The following GMPR variants were observed in gnomAD, a reference collection of about 807,000 sequenced individuals.
GMPR encodes GMP reductase 1.
A neutral mutation model predicts 38.4 loss-of-function variants in GMPR; 31 were observed. The ratio of observed to expected loss-of-function variants is 0.81; its 90% CI spans 0.61 to 1.09. GMPR has a LOEUF of 1.09. GMPR is among the 50% of genes least tolerant of loss of function. GMPR has a pLI of 0.00. For synonymous variants in GMPR, 162 were observed against 173.3 expected (o/e 0.93, Z 0.51); for missense variants, 468 against 453.7 (o/e 1.03, Z -0.29).
At chr6:16,252,784 G>A (rs988225320) in intron 3 of GMPR, among the ~76,000 whole-genome samples, 1 of 152,196 alleles carries the variant, frequency 6.6e-6, no homozygotes, top group African/African-American at 2.4e-5. Flanking sequence ...AGGGAGAGTG[G>A]GCTTGTGTGG....
intron 2 of GMPR, 111 bp from the exon 3 acceptor site, chr6:16,250,173 G>A (rs2113671775): frequency 1.4e-6 from 1 of 724,626 alleles, no homozygotes; most frequent in East Asian, 2.5e-5. Context: ...ATTAAGCATG[G>A]ATGGCAGGAA....
At chr6:16,285,889 T>C in intron 7 of GMPR, 54 bp downstream of exon 7, 2 of 1,434,372 alleles carry the variant, frequency 1.4e-6, no homozygotes, top group Non-Finnish European at 1.9e-6. Context: ...GGGAGCTCCC[T>C]ACACCTCTCC....
intron 3 of GMPR, among the ~76,000 whole-genome samples, chr6:16,254,085 C>T (rs1405307227): frequency 6.6e-6 from 1 of 152,186 alleles, no homozygotes; most frequent in Non-Finnish European, 1.5e-5. Context: ...CACCTGCCAC[C>T]ACGCCTGGCT....
chr6:16,248,428 TG>T (rs1758802844), intron 2 of GMPR, among the ~76,000 whole-genome samples: 1 of 151,268 alleles, frequency 6.6e-6, no homozygotes, highest in African/African-American at 2.4e-5. Context: ...GAATGTCTGC[TG>T]CACTCAGGGG....
chr6:16,292,924 T>C (rs1334794415), intron 8 of GMPR, among the ~76,000 whole-genome samples: 5 of 152,208 alleles, frequency 3.3e-5, no homozygotes, highest in Non-Finnish European at 5.9e-5. Flanking sequence ...TTCAAATCTT[T>C]AACAGGGAAG....
intron 4 of GMPR, among the ~76,000 whole-genome samples, chr6:16,268,184 A>T (rs1381165547): frequency 6.6e-6 from 1 of 152,196 alleles, no homozygotes; most frequent in Non-Finnish European, 1.5e-5. Flanking sequence ...TACAAAGGTG[A>T]TGTTCTCTCT....
chr6:16,270,633 G>C (rs990018876), intron 4 of GMPR, among the ~76,000 whole-genome samples: 9 of 151,958 alleles, frequency 5.9e-5, no homozygotes, highest in Admixed American at 4.6e-4. Flanking sequence ...CCCTTATTTT[G>C]CCCTTCTTGA....
chr6:16,252,011 G>A (rs923085693), intron 3 of GMPR, among the ~76,000 whole-genome samples: 6 of 152,174 alleles, frequency 3.9e-5, no homozygotes, highest in South Asian at 2.1e-4. Flanking sequence ...ACTTCAGGTC[G>A]TACTGTTTTC....
intron 1 of GMPR, among the ~76,000 whole-genome samples, chr6:16,242,728 T>C (rs538170175): frequency 5.4e-4 from 82 of 152,278 alleles, no homozygotes; most frequent in Non-Finnish European, 9.4e-4. Context: ...AACCTCCGCC[T>C]CCCAGGTTCA....
intron 2 of GMPR, among the ~76,000 whole-genome samples, chr6:16,248,861 C>G (rs1477307466): frequency 6.6e-6 from 1 of 152,162 alleles, no homozygotes; most frequent in Non-Finnish European, 1.5e-5. Flanking sequence ...CAGGAAAAAC[C>G]TAGGACTCGC....
At chr6:16,254,001 G>T (rs1055397794) in intron 3 of GMPR, among the ~76,000 whole-genome samples, 4 of 152,062 alleles carry the variant, frequency 2.6e-5, no homozygotes, top group Non-Finnish European at 5.9e-5. Context: ...CACAATCTCG[G>T]CTCACTGCAA....
rs548525037 is a variant in GMPR at position 16,280,625 on chromosome 6, A to G, written c.654+1735A>G. Among the ~76,000 whole-genome samples, 7 of 152,332 alleles carry G rather than the reference A, an allele frequency of 4.6e-5. No homozygotes were observed. The East Asian group carries it at 7.7e-4, about 17-fold the overall frequency. On this transcript the variant is annotated intron_variant, in intron 6 of 8. Transcript: ENST00000259727. ...CGGCCAGGCAGTAGTACCATTCCGCAGTATGTCAGTGGTTCTCAAATCCTG... is the reference window on the plus strand; with the variant it reads ...CGGCCAGGCAGTAGTACCATTCCGCGGTATGTCAGTGGTTCTCAAATCCTG...
At chr6:16,289,155 C>T (rs187406058) in intron 7 of GMPR, among the ~76,000 whole-genome samples, 28 of 152,286 alleles carry the variant, frequency 1.8e-4, no homozygotes, top group East Asian at 9.6e-4. Flanking sequence ...TGCTATTTGC[C>T]GGGAAGGTCT....
chr6:16,283,643 A>C lies in GMPR; in HGVS notation c.655-2150A>C, dbSNP rs139856571. The stretch of plus-strand genomic sequence containing the variant: ...GTATTAACTGTGGATCTCTTGGCCC[A>C]TCCTGGGAAGAGAAAGGCTGATTTT... On this transcript the variant is annotated intron_variant, in intron 6 of 8. Transcript: ENST00000259727. Among the ~76,000 whole-genome samples, 843 of 152,308 alleles carry C rather than the reference A, an allele frequency of 5.5e-3. 9 individuals are homozygous for C. Among genetic ancestry groups the C allele is most frequent in the African/African-American group, 0.019 (799 of 41,560 alleles).
intron 1 of GMPR, among the ~76,000 whole-genome samples, chr6:16,244,081 G>C (rs6914315): frequency 0.016 from 2,400 of 151,982 alleles, 55 homozygotes; most frequent in African/African-American, 0.055. Flanking sequence ...GTGCCTTTCT[G>C]GTTGTGAATG....
chr6:16,278,686 C>T, intron 5 of GMPR, 98 bp from the exon 6 acceptor site: 3 of 827,020 alleles, frequency 3.6e-6, no homozygotes, highest in Non-Finnish European at 6.2e-6. Context: ...TCACCCTGGT[C>T]CCTAAAGCAG....
intron 1 of GMPR, among the ~76,000 whole-genome samples, chr6:16,240,001 C>G (rs1481059909): frequency 6.6e-6 from 1 of 152,160 alleles, no homozygotes; most frequent in Non-Finnish European, 1.5e-5. Flanking sequence ...GGAACAAAAA[C>G]AGTTTGGAGG....
chr6:16,281,509 ATTTT>A (rs887076650), intron 6 of GMPR, among the ~76,000 whole-genome samples: 10 of 151,364 alleles, frequency 6.6e-5, no homozygotes, highest in Non-Finnish European at 1.2e-4. Flanking sequence ...TATTTTATTT[ATTTT>A]TTATTTTTTT....
chr6:16,263,075 G>A (rs1759119061), intron 4 of GMPR: 1 of 151,964 alleles, frequency 6.6e-6, no homozygotes, highest in South Asian at 2.1e-4. Context: ...GAGGTCAGAT[G>A]AGTCTGTAGA....
Sources: gnomAD v4.1 joint callset for allele counts (sites outside exome capture counted in the v4.1 genomes callset) on GRCh38, gnomAD v4.1.1 for gene constraint, MANE v1.5 for transcripts, NCBI Gene and HGNC (gene_info 2026-07-23, HGNC 2026-07-21) for gene names.